The following SHLD2 variants were observed in gnomAD, a reference collection of about 807,000 sequenced individuals.
The protein encoded by SHLD2 is RINN1-REV7-interacting novel NHEJ regulator 2.
A neutral mutation model predicts 73.2 loss-of-function variants in SHLD2; 30 were observed. The observed-to-expected ratio is 0.41, with a 90% confidence interval of 0.31 to 0.56. SHLD2 has a LOEUF of 0.56. SHLD2 is among the 20% of genes least tolerant of loss of function. SHLD2 has a pLI of 0.28. For synonymous variants in SHLD2, 285 were observed against 370.1 expected (o/e 0.77, Z 2.64); for missense variants, 745 against 1,055.9 (o/e 0.71, Z 4.08).
chr10:87,121,762 CTTTTTT>C (rs571649405), intron 2 of SHLD2, among the ~76,000 whole-genome samples: 11 of 130,996 alleles, frequency 8.4e-5, no homozygotes, highest in African/African-American at 2.8e-4. Flanking sequence ...TTCTTTCTTT[CTTTTTT>C]TTTTTTTTTT....
At chr10:87,114,379 C>T (rs1273278806) in intron 2 of SHLD2, 1 of 152,170 alleles carries the variant, frequency 6.6e-6, no homozygotes, top group East Asian at 1.9e-4. Flanking sequence ...CTTTAGCTTT[C>T]TCCTGGAGAC....
intron 4 of SHLD2, among the ~76,000 whole-genome samples, chr10:87,169,150 G>A (rs1056843597): frequency 6.6e-6 from 1 of 152,144 alleles, no homozygotes; most frequent in Non-Finnish European, 1.5e-5. Flanking sequence ...ATAATTTGAT[G>A]TTAGAGATGT....
chr10:87,158,796 T>G (rs1228786088), intron 4 of SHLD2, among the ~76,000 whole-genome samples: 1 of 152,074 alleles, frequency 6.6e-6, no homozygotes, highest in African/African-American at 2.4e-5. Flanking sequence ...TATAAACTTG[T>G]GGTTATGGTC....
intron 6 of SHLD2, among the ~76,000 whole-genome samples, 180 bp from the exon 7 acceptor site, chr10:87,175,709 A>G (rs1847912116): frequency 6.6e-6 from 1 of 151,940 alleles, no homozygotes; most frequent in South Asian, 2.1e-4. Flanking sequence ...TAATAATAAT[A>G]ATCTCTAGCA....
intron 1 of SHLD2, among the ~76,000 whole-genome samples, chr10:87,096,236 G>T (rs949747272): frequency 6.6e-6 from 1 of 151,964 alleles, no homozygotes; most frequent in African/African-American, 2.4e-5. Context: ...GTAGAGACGG[G>T]GTTTCGCTGT....
chr10:87,094,934 G>A (rs1841698350), upstream of SHLD2: 1 of 368,916 alleles, frequency 2.7e-6, no homozygotes, highest in East Asian at 5.4e-5. This position sits in a 1 kb window ranked among gnomAD's most constrained non-coding sequence, Gnocchi z 6.6. Flanking sequence ...CTAACGGGGA[G>A]GACGGACTTC....
intron 2 of SHLD2, among the ~76,000 whole-genome samples, chr10:87,104,201 C>T (rs976723871): frequency 3.4e-5 from 5 of 147,670 alleles, no homozygotes. Flanking sequence ...TGTGCCACTG[C>T]ACTCCAGCCT....
intron 2 of SHLD2, among the ~76,000 whole-genome samples, chr10:87,126,664 G>C (rs950640748): frequency 6.6e-5 from 10 of 152,102 alleles, no homozygotes; most frequent in African/African-American, 2.4e-4. Flanking sequence ...CTTAGAAATA[G>C]TCTGAGTGAT....
chr10:87,108,580 C>T (rs1033500270), intron 2 of SHLD2, among the ~76,000 whole-genome samples: 4 of 152,116 alleles, frequency 2.6e-5, no homozygotes, highest in Non-Finnish European at 5.9e-5. Flanking sequence ...ACTGGGATTA[C>T]AGGTGTGAGC....
At chr10:87,119,501 G>A (rs1385883003) in intron 2 of SHLD2, among the ~76,000 whole-genome samples, 1 of 151,996 alleles carries the variant, frequency 6.6e-6, no homozygotes, top group Non-Finnish European at 1.5e-5. Context: ...GGTGGCTCAC[G>A]CCTGTAATCC....
chr10:87,146,328 C>G (rs1845605870), intron 2 of SHLD2, among the ~76,000 whole-genome samples: 1 of 152,052 alleles, frequency 6.6e-6, no homozygotes, highest in South Asian at 2.1e-4. Flanking sequence ...GAGTCTCGCT[C>G]TGTTGTCCAG....
chr10:87,099,474 C>T (rs779559389), intron 2 of SHLD2, among the ~76,000 whole-genome samples: 1 of 152,166 alleles, frequency 6.6e-6, no homozygotes, highest in African/African-American at 2.4e-5. Flanking sequence ...AAGGTTTATG[C>T]GTGTAGCATG....
At chr10:87,183,366 T>C (rs531034166) in intron 8 of SHLD2, among the ~76,000 whole-genome samples, 4 of 152,220 alleles carry the variant, frequency 2.6e-5, no homozygotes, top group African/African-American at 9.6e-5. Context: ...AAGAGAAGTC[T>C]GGGCTAGGCT....
chr10:87,098,831 G>A (rs1168921312), intron 2 of SHLD2, among the ~76,000 whole-genome samples: 2 of 152,010 alleles, frequency 1.3e-5, no homozygotes, highest in South Asian at 2.1e-4. Flanking sequence ...GCTGGAGTGC[G>A]GTGGCACGAT....
intron 2 of SHLD2, among the ~76,000 whole-genome samples, chr10:87,142,516 A>C (rs894353571): frequency 6.6e-6 from 1 of 152,122 alleles, no homozygotes; most frequent in Non-Finnish European, 1.5e-5. Context: ...TGGTGGAAGA[A>C]GGATGGTGAT....
intron 9 of SHLD2, among the ~76,000 whole-genome samples, chr10:87,189,979 A>G (rs1308838266): frequency 6.6e-6 from 1 of 152,146 alleles, no homozygotes; most frequent in Non-Finnish European, 1.5e-5. Context: ...TTCTTGTGTC[A>G]GGGGGATCAC....
At chr10:87,147,919 G>A (rs1845738098) in intron 2 of SHLD2, among the ~76,000 whole-genome samples, 1 of 150,466 alleles carries the variant, frequency 6.6e-6, no homozygotes, top group African/African-American at 2.5e-5. Context: ...GTGCAGTGGT[G>A]TGATCTCAGC....
intron 6 of SHLD2, among the ~76,000 whole-genome samples, chr10:87,175,074 G>A (rs11202369): frequency 0.32 from 46,181 of 146,292 alleles, 7,723 homozygotes; most frequent in South Asian, 0.44. Flanking sequence ...CCGAGATTGC[G>A]CCACTGCGCT....
At chr10:87,105,101 T>C (rs1842517560) in intron 2 of SHLD2, among the ~76,000 whole-genome samples, 1 of 152,218 alleles carries the variant, frequency 6.6e-6, no homozygotes, top group Admixed American at 6.5e-5. Flanking sequence ...TGCCTTGCCA[T>C]TCAGCTCTGT....
Sources: gnomAD v4.1 joint callset for allele counts (sites outside exome capture counted in the v4.1 genomes callset) on GRCh38, gnomAD v4.1.1 for gene constraint, Gnocchi (gnomAD v3.1) non-coding constraint, MANE v1.5 for transcripts, NCBI Gene and HGNC (gene_info 2026-07-23, HGNC 2026-07-21) for gene names.